Variants in BRD3 observed in about 807,000 individuals in gnomAD.
BRD3 encodes the protein bromodomain-containing protein 3.
Under a neutral mutation model 66.8 loss-of-function variants are expected in BRD3, and 17 were observed. The observed-to-expected ratio is 0.25, with a 90% CI of 0.17 to 0.38. The LOEUF (loss-of-function observed/expected upper bound fraction) is 0.38. Ranked by LOEUF, BRD3 falls within the 10% of genes least tolerant of loss-of-function variation. The pLI is 1.00. For synonymous variants in BRD3, 421 were observed against 393.2 expected, an observed-to-expected ratio of 1.07 and a Z score of -0.84; for missense variants, 713 against 956.1, an observed-to-expected ratio of 0.75 and a Z score of 3.35.
At chr9:134,041,685 G>A (rs1030693189) in intron 8 of BRD3, 75 bp downstream of exon 8, 2 of 1,523,886 alleles carry the variant, frequency 1.3e-6, no homozygotes, top group African/African-American at 1.4e-5. Flanking sequence ...ACCATGCAAA[G>A]GGACGGACCT....
Position 134,051,727 on chromosome 9 carries a change from C to A in BRD3, c.352-18G>T. The A allele has an allele frequency of 6.3e-7, 1 of 1,585,202 alleles. No individual in the cohort carries two copies. The highest frequency in any genetic ancestry group is 1.2e-5 in the South Asian group (1 of 85,022). On this transcript the variant is annotated intron_variant, in intron 3 of 11. Transcript: ENST00000303407. ...TCTGTGGGCTGAAGACACAGAGAGTCCAGGTCACGTGTCAGGAAAGGAGCT... is the reference window on the plus strand; with the variant it reads ...TCTGTGGGCTGAAGACACAGAGAGTACAGGTCACGTGTCAGGAAAGGAGCT...
intron 1 of BRD3, among the ~76,000 whole-genome samples, chr9:134,063,141 C>A (rs1307791597): frequency 6.6e-6 from 1 of 152,254 alleles, no homozygotes; most frequent in Non-Finnish European, 1.5e-5. Flanking sequence ...CAGACCATCC[C>A]CTTGGTTATT....
At chr9:134,044,286 C>G (rs761493056) in intron 7 of BRD3, among the ~76,000 whole-genome samples, 1 of 152,158 alleles carries the variant, frequency 6.6e-6, no homozygotes, top group Non-Finnish European at 1.5e-5. Flanking sequence ...CTTGGGTAGG[C>G]CCTGTGCGCG....
chr9:134,045,460 G>A lies in BRD3; in HGVS notation c.1087-39C>T, dbSNP rs201241529. ...TGACAGGGGCCAGTGAGCGTGGCCC[G>A]TGGCATCAGGACTCTCTGCCACACC... On this transcript the variant is annotated intron_variant, in intron 6 of 11. Transcript: ENST00000303407. The surrounding 1 kb of genome is among the most constrained non-coding windows in gnomAD (Gnocchi z 4.8). 3.9e-5 allele frequency: 63 copies of A among 1,611,602 alleles called. No homozygotes were observed. Among genetic ancestry groups the A allele is most frequent in the African/African-American group, 3.1e-4 (23 of 74,890 alleles).
intron 4 of BRD3, among the ~76,000 whole-genome samples, 180 bp downstream of exon 4, chr9:134,051,382 C>G (rs376601042): frequency 4.3e-4 from 66 of 152,300 alleles, no homozygotes; most frequent in Middle Eastern, 3.4e-3. Context: ...CTTCCGTATC[C>G]CCGGGCCAGC....
At chr9:134,035,553 C>A (rs541934646) in intron 10 of BRD3, among the ~76,000 whole-genome samples, 1 of 152,116 alleles carries the variant, frequency 6.6e-6, no homozygotes, top group Non-Finnish European at 1.5e-5. Flanking sequence ...GGCTTCTGGA[C>A]TTGTGACCCC....
intron 9 of BRD3, among the ~76,000 whole-genome samples, chr9:134,038,548 C>G (rs868334915): frequency 2.2e-4 from 34 of 152,280 alleles, no homozygotes; most frequent in African/African-American, 8.2e-4. Flanking sequence ...CCTGGCCCTC[C>G]CAAAGTGCTG....
intron 3 of BRD3, 31 bp downstream of exon 3, chr9:134,052,275 C>A: frequency 6.2e-7 from 1 of 1,608,904 alleles, no homozygotes; most frequent in Non-Finnish European, 8.5e-7. Context: ...ATCCTTACTG[C>A]AAGCGGCGTG....
chr9:134,034,604 G>T, intron 11 of BRD3, 97 bp downstream of exon 11: 1 of 1,509,500 alleles, frequency 6.6e-7, no homozygotes, highest in Non-Finnish European at 8.9e-7. Context: ...CAGGAGGTAA[G>T]CCACACTCAG....
intron 6 of BRD3, among the ~76,000 whole-genome samples, chr9:134,046,769 G>A (rs1452022227): frequency 6.6e-6 from 1 of 152,198 alleles, no homozygotes; most frequent in Non-Finnish European, 1.5e-5. Flanking sequence ...TTCTCCCCAT[G>A]CCATGCCAGG....
intron 1 of BRD3, among the ~76,000 whole-genome samples, chr9:134,065,267 A>G (rs540839042): frequency 6.6e-6 from 1 of 152,298 alleles, no homozygotes; most frequent in African/African-American, 2.4e-5. Flanking sequence ...TACTAAAAAT[A>G]CAAAAAATTA....
Position 134,045,683 on chromosome 9 carries a change from C to T in BRD3, c.1087-262G>A, listed in dbSNP as rs571488373. Among the ~76,000 whole-genome samples, 8 of 152,242 alleles carry T rather than the reference C, an allele frequency of 5.3e-5. No individual in the cohort carries two copies. In the South Asian group the frequency reaches 1.7e-3, roughly 32 times the overall value. Reference sequence around the variant, plus strand: ...AGATCTCCTGATTGGAAGAAAAATGCACTCAACAAGAAATCCCAGGTTCCC... The same window carrying T: ...AGATCTCCTGATTGGAAGAAAAATGTACTCAACAAGAAATCCCAGGTTCCC... On this transcript the variant is annotated intron_variant, in intron 6 of 11. Coordinates refer to ENST00000303407, the MANE Select transcript of BRD3 (RefSeq NM_007371.4). This position sits in a 1 kb window ranked among gnomAD's most constrained non-coding sequence, Gnocchi z 4.8.
In BRD3 at chr9:134,032,105, G is replaced by A. The variant is rs906652685; in HGVS notation, c.*1485C>T. The A allele has an allele frequency of 3.2e-5, 7 of 217,616 alleles. No individual in the cohort carries two copies. The highest frequency in any genetic ancestry group is 1.8e-4 in the South Asian group (1 of 5,450). The allele number at this position is 217,616 out of a possible 1,614,324, so 13.5% of individuals were successfully genotyped here. A position where few individuals can be genotyped will look rare whatever the true frequency, so the allele number is the denominator to read the frequency against. ...AACTCTGGCATTCCTGGCCGGAGCC[G>A]CCATGCTCATTGGTGGGCCAGTTTG... On this transcript the variant is annotated 3_prime_UTR_variant, in exon 12 of 12. Coordinates refer to ENST00000303407, the MANE Select transcript of BRD3 (RefSeq NM_007371.4).
At position 134,053,352 on chromosome 9, in the gene BRD3, C is replaced by T. The variant is rs1286234747; in HGVS notation, c.126G>A (p.Met42Ile). ...AGAGCGTCTTCACCACCACATTCTG[C>T]ATGTACTGCAGCTGGTTGGTCTTGC... ...PGRKTNQLQY[M>I]QNVVVKTLWK... The change falls in exon 2 of 12, where the codon ATG becomes ATA. Residue 42 changes from methionine to isoleucine, a missense_variant. Met to Ile is a conservative substitution (Grantham distance 10). Coordinates refer to ENST00000303407, the MANE Select transcript of BRD3 (RefSeq NM_007371.4). 6.2e-7 allele frequency: 1 copy of T among 1,612,916 alleles called. No individual in the cohort carries two copies. Among genetic ancestry groups the T allele is most frequent in the Non-Finnish European group, 8.5e-7 (1 of 1,179,844 alleles).
chr9:134,046,581 CCT>C (rs947362645), intron 6 of BRD3, among the ~76,000 whole-genome samples: 6 of 152,202 alleles, frequency 3.9e-5, no homozygotes, highest in African/African-American at 1.4e-4. Context: ...GACCTGGAAG[CCT>C]CTGATGTTGG....
intron 1 of BRD3, among the ~76,000 whole-genome samples, chr9:134,066,185 C>T (rs534257290): frequency 3.0e-4 from 46 of 152,296 alleles, no homozygotes; most frequent in African/African-American, 9.9e-4. Context: ...TCTTTCCAGG[C>T]ACCCGGTGCC....
At chr9:134,068,293 C>G (rs1231360666), upstream of BRD3, 1 of 147,364 alleles carries the variant, frequency 6.8e-6, no homozygotes, top group Non-Finnish European at 1.5e-5. Flanking sequence ...CCCCGTGGGC[C>G]GTTCCCCGCC....
intron 4 of BRD3, among the ~76,000 whole-genome samples, chr9:134,051,042 C>T (rs569232509): frequency 5.9e-5 from 9 of 152,360 alleles, no homozygotes; most frequent in African/African-American, 2.2e-4. Context: ...CCAGACAACA[C>T]CTGCATGCCG....
At chr9:134,058,142 C>T (rs1005182046) in intron 1 of BRD3, 2 of 152,464 alleles carry the variant, frequency 1.3e-5, no homozygotes, top group East Asian at 3.9e-4. Flanking sequence ...GTGCTTCCCA[C>T]CACAGCCCAT....
Sources: allele counts gnomAD v4.1 joint callset (sites outside exome capture counted in the v4.1 genomes callset), GRCh38; gene constraint gnomAD v4.1.1; non-coding constraint Gnocchi (gnomAD v3.1); transcripts MANE v1.5; gene names NCBI Gene and HGNC (gene_info 2026-07-23, HGNC 2026-07-21).